Variants in TPRG1 observed in about 807,000 individuals in gnomAD.
The protein encoded by TPRG1 is tumor protein p63-regulated gene 1 protein.
A neutral mutation model predicts 29.3 loss-of-function variants in TPRG1; 29 were observed. That is an observed-to-expected ratio of 0.99 (90% CI 0.74 to 1.35). TPRG1 has a LOEUF of 1.35. TPRG1 is among the 40% of genes most tolerant of loss of function. The pLI is 0.00. For missense variants in TPRG1, 327 were observed against 335.0 expected (o/e 0.98, Z 0.19); for synonymous variants, 130 against 116.8 (o/e 1.11, Z -0.73).
intron 1 of TPRG1, chr3:189,121,749 G>A (rs1379449096): frequency 6.6e-6 from 1 of 152,134 alleles, no homozygotes; most frequent in Non-Finnish European, 1.5e-5. Context: ...AAGCGAGAGA[G>A]CAGGAATCAA....
intron 4 of TPRG1, among the ~76,000 whole-genome samples, chr3:189,066,244 GA>G (rs1248957355): frequency 6.6e-6 from 1 of 152,054 alleles, no homozygotes; most frequent in Non-Finnish European, 1.5e-5. Flanking sequence ...AATATTTAAA[GA>G]AGAACTAATA....
At chr3:189,185,999 C>G (rs533026361) in intron 1 of TPRG1, among the ~76,000 whole-genome samples, 2 of 152,046 alleles carry the variant, frequency 1.3e-5, no homozygotes, top group Non-Finnish European at 2.9e-5. Flanking sequence ...ACAATAAGAA[C>G]CTTTAATTTT....
chr3:189,220,048 T>G (rs1467121238), intron 3 of TPRG1, among the ~76,000 whole-genome samples: 2 of 152,170 alleles, frequency 1.3e-5, no homozygotes, highest in African/African-American at 2.4e-5. Context: ...GAATCCTGGA[T>G]CTACTACTTA....
intron 1 of TPRG1, among the ~76,000 whole-genome samples, chr3:189,176,135 C>T (rs1729459058): frequency 6.6e-6 from 1 of 152,176 alleles, no homozygotes; most frequent in African/African-American, 2.4e-5. Context: ...TTACACAACT[C>T]CAAACCCCAA....
intron 1 of TPRG1, among the ~76,000 whole-genome samples, chr3:189,191,384 T>G (rs1731668718): frequency 6.6e-6 from 1 of 152,216 alleles, no homozygotes; most frequent in African/African-American, 2.4e-5. Context: ...TTCCCACATT[T>G]GTGCTCTGAC....
intron 4 of TPRG1, among the ~76,000 whole-genome samples, chr3:189,082,284 A>G (rs905165122): frequency 2.0e-5 from 3 of 152,222 alleles, no homozygotes; most frequent in Non-Finnish European, 2.9e-5. Flanking sequence ...TTTTGAACAG[A>G]TCATTCAATT....
At chr3:189,173,759 A>C (rs1051848637) in intron 1 of TPRG1, among the ~76,000 whole-genome samples, 1 of 152,200 alleles carries the variant, frequency 6.6e-6, no homozygotes, top group African/African-American at 2.4e-5. Context: ...GAATGGTGCT[A>C]GGAGTCCCAA....
chr3:189,291,352 A>C (rs1414313610), intron 4 of TPRG1, among the ~76,000 whole-genome samples: 1 of 152,182 alleles, frequency 6.6e-6, no homozygotes, highest in Non-Finnish European at 1.5e-5. Flanking sequence ...TGTATGTAAA[A>C]ATACTTTGTA....
At chr3:189,155,379 G>A (rs530188370) in intron 5 of TPRG1, among the ~76,000 whole-genome samples, 51 of 152,312 alleles carry the variant, frequency 3.3e-4, no homozygotes, top group African/African-American at 1.2e-3. Context: ...AGGCTGCACA[G>A]TGGCCCTCTA....
chr3:189,043,799 C>G (rs1714788133), intron 4 of TPRG1, among the ~76,000 whole-genome samples: 1 of 151,992 alleles, frequency 6.6e-6, no homozygotes, highest in African/African-American at 2.4e-5. Context: ...GGGTTGTGAT[C>G]CAAAGCTTAT....
At chr3:189,063,890 C>T (rs961355949) in intron 4 of TPRG1, among the ~76,000 whole-genome samples, 8 of 152,184 alleles carry the variant, frequency 5.3e-5, no homozygotes, top group Non-Finnish European at 1.0e-4. Context: ...TCATTATACT[C>T]ATGATTGTGG....
At position 189,182,563 on chromosome 3, in the gene TPRG1, C is replaced by T. The variant is rs112143608; in HGVS notation, c.-10+10432C>T. The stretch of plus-strand genomic sequence containing the variant: ...CCATTAGGTTGGGGGAGGAATTTGG[C>T]CATGTATACCAAGATTCATAAATCT... On this transcript the variant is annotated intron_variant, in intron 1 of 5. Transcript: ENST00000345063. 8.5e-4 allele frequency among the ~76,000 whole-genome samples: 130 copies of T among 152,182 alleles called. 3 individuals carry two copies. Among genetic ancestry groups the T allele is most frequent in the Middle Eastern group, 3.4e-3 (1 of 294 alleles).
At chr3:189,057,938 T>C (rs1392271342) in intron 4 of TPRG1, among the ~76,000 whole-genome samples, 1 of 150,772 alleles carries the variant, frequency 6.6e-6, no homozygotes, top group East Asian at 2.0e-4. Flanking sequence ...AATATATAAG[T>C]ATATATTGTG....
intron 1 of TPRG1, among the ~76,000 whole-genome samples, chr3:189,201,997 A>G (rs1733576173): frequency 6.6e-6 from 1 of 152,006 alleles, no homozygotes; most frequent in South Asian, 2.1e-4. Flanking sequence ...AAACACCCCC[A>G]AACATGCCTT....
At chr3:189,006,941 C>T (rs1461148169) in intron 3 of TPRG1, among the ~76,000 whole-genome samples, 1 of 152,024 alleles carries the variant, frequency 6.6e-6, no homozygotes, top group African/African-American at 2.4e-5. Context: ...GAAAATGATT[C>T]CCTAGAAGAA....
intron 4 of TPRG1, among the ~76,000 whole-genome samples, chr3:189,264,673 T>C: frequency 6.6e-6 from 1 of 152,186 alleles, no homozygotes. Context: ...ACCAAAAAGA[T>C]TTTTTAAGAA....
intron 4 of TPRG1, among the ~76,000 whole-genome samples, chr3:189,241,814 G>T (rs547369165): frequency 3.5e-4 from 53 of 152,182 alleles, no homozygotes; most frequent in African/African-American, 1.3e-3. Flanking sequence ...TTCTCTTGCT[G>T]CCACCATGTA....
At chr3:189,060,263 CAATA>C (rs1716017178) in intron 4 of TPRG1, among the ~76,000 whole-genome samples, 1 of 152,052 alleles carries the variant, frequency 6.6e-6, no homozygotes, top group Admixed American at 6.6e-5. Flanking sequence ...ACAAAAAACT[CAATA>C]AACTAGGTTT....
At chr3:189,077,638 A>G (rs1291552377) in intron 4 of TPRG1, among the ~76,000 whole-genome samples, 1 of 152,208 alleles carries the variant, frequency 6.6e-6, no homozygotes, top group African/African-American at 2.4e-5. Flanking sequence ...TATGTTAATT[A>G]TACCTAAACT....
Sources: gnomAD v4.1 joint callset for allele counts (sites outside exome capture counted in the v4.1 genomes callset) on GRCh38, gnomAD v4.1.1 for gene constraint, MANE v1.5 for transcripts, NCBI Gene and HGNC (gene_info 2026-07-23, HGNC 2026-07-21) for gene names.